The following APOH variants were observed in gnomAD, a reference collection of about 807,000 sequenced individuals.
APOH encodes the protein apolipoprotein H.
APOH carries 48 observed loss-of-function variants against 39.8 expected under a neutral mutation model. The observed-to-expected ratio is 1.21, with a 90% CI of 0.96 to 1.54. The LOEUF (loss-of-function observed/expected upper bound fraction) is 1.54, where lower values mean the gene tolerates loss of function less well. Ranked by LOEUF, APOH falls within the 40% of genes most tolerant of loss-of-function variation. The pLI is 0.00. For missense variants in APOH, 415 were observed against 421.2 expected (o/e 0.99, Z 0.13); for synonymous variants, 153 against 151.1 (o/e 1.01, Z -0.09).
At chr17:66,217,054 C>T in intron 5 of APOH, 87 bp from the exon 6 acceptor site, 1 of 1,124,206 alleles carries the variant, frequency 8.9e-7, no homozygotes, top group Non-Finnish European at 1.2e-6. Flanking sequence ...CTCTGTCACA[C>T]CACTGAATCA....
At chr17:66,222,396 C>A (rs1175300145) in intron 4 of APOH, among the ~76,000 whole-genome samples, 1 of 151,994 alleles carries the variant, frequency 6.6e-6, no homozygotes, top group Non-Finnish European at 1.5e-5. Context: ...AATAAAGAAG[C>A]AAATTTACAT....
Position 66,229,308 on chromosome 17 carries a change from G to C in APOH, c.64+8C>G, listed in dbSNP as rs8178901. 6.2e-7 allele frequency: 1 copy of C among 1,612,016 alleles called. No individual in the cohort carries two copies. Among genetic ancestry groups the C allele is most frequent in the East Asian group, 2.2e-5 (1 of 44,822 alleles). On this transcript the variant is annotated splice_region_variant and intron_variant, in intron 1 of 7. Transcript: ENST00000205948. ...TTAATTATTTTTTCAAAAGCAAAAA[G>C]TACTTACTCCGTCCTGCAATAGCAA...
intron 1 of APOH, 43 bp downstream of exon 1, chr17:66,229,273 G>A: frequency 6.7e-7 from 1 of 1,503,484 alleles, no homozygotes; most frequent in South Asian, 1.2e-5. Flanking sequence ...ATACGAAGGG[G>A]TTGGATATAT....
chr17:66,228,064 C>A lies in APOH; in HGVS notation c.197G>T (p.Cys66Phe). Reference sequence around the variant, plus strand: ...GATGGGCCACAGTCCTGTGAGAGGGCAGATAAACTTTCTCATCCCTCCTCG... The same window carrying A: ...GATGGGCCACAGTCCTGTGAGAGGGAAGATAAACTTTCTCATCCCTCCTCG... ...VSRGGMRKFI[C>F]PLTGLWPINT... The change falls in exon 2 of 8, where the codon TGC becomes TTC. Residue 66 changes from cysteine to phenylalanine, a missense_variant. This residue lies in a region of APOH where 288 missense variants were observed against 284.9 expected (regional missense o/e 1.01). Coordinates refer to ENST00000205948, the MANE Select transcript of APOH (RefSeq NM_000042.3). 6.2e-7 allele frequency: 1 copy of A among 1,614,170 alleles called. No individual in the cohort carries two copies. Among genetic ancestry groups the A allele is most frequent in the South Asian group, 1.1e-5 (1 of 91,068 alleles).
Position 66,214,461 on chromosome 17 carries a change from C to A in APOH, c.974G>T (p.Cys325Phe), listed in dbSNP as rs752860358. The change falls in exon 7 of 8, where the codon TGC becomes TTC. Residue 325 changes from cysteine (C) to phenylalanine (F), a missense_variant. Physicochemically the swap from Cys to Phe is radical, Grantham distance 205. This residue lies in a region of APOH where 120 missense variants were observed against 110.6 expected (regional missense o/e 1.08). Coordinates refer to ENST00000205948, the MANE Select transcript of APOH (RefSeq NM_000042.3). ...TTCCAATGCAGACTTACCCTTGAAG[C>A]ATTTGGGGACTTCGATAGTGCCATC... ...CIDGTIEVPK[C>F]FKEHSSLAFW... is the part of the protein sequence containing the mutation. 1 of 1,613,704 alleles carries A rather than the reference C, an allele frequency of 6.2e-7. No homozygotes were observed. The highest frequency in any genetic ancestry group is 8.5e-7 in the Non-Finnish European group (1 of 1,179,804).
intron 6 of APOH, among the ~76,000 whole-genome samples, chr17:66,215,412 A>C (rs1225312233): frequency 6.6e-6 from 1 of 152,244 alleles, no homozygotes; most frequent in Admixed American, 6.5e-5. Flanking sequence ...TGTTAAAACA[A>C]GCCTTCCAGG....
intron 7 of APOH, among the ~76,000 whole-genome samples, chr17:66,213,357 T>G (rs928307524): frequency 1.3e-5 from 2 of 152,240 alleles, no homozygotes; most frequent in Non-Finnish European, 2.9e-5. Flanking sequence ...ATCATTCTCC[T>G]TAAAATATTT....
At chr17:66,215,097 C>T (rs565052572) in intron 6 of APOH, among the ~76,000 whole-genome samples, 18 of 152,310 alleles carry the variant, frequency 1.2e-4, no homozygotes, top group African/African-American at 3.8e-4. Flanking sequence ...GAAGCCACCT[C>T]TCCCAGGAGT....
At chr17:66,215,091 C>G (rs779915467) in intron 6 of APOH, among the ~76,000 whole-genome samples, 6 of 152,158 alleles carry the variant, frequency 3.9e-5, no homozygotes, top group Non-Finnish European at 7.4e-5. Context: ...CATAGGGAAG[C>G]CACCTCTCCC....
intron 5 of APOH, among the ~76,000 whole-genome samples, chr17:66,217,692 G>A (rs1050068152): frequency 1.3e-5 from 2 of 151,968 alleles, no homozygotes; most frequent in African/African-American, 4.8e-5. Flanking sequence ...GGCTCACTTC[G>A]GTCATCCTGG....
chr17:66,219,972 G>A (rs1278000601), intron 5 of APOH, among the ~76,000 whole-genome samples: 1 of 152,146 alleles, frequency 6.6e-6, no homozygotes, highest in African/African-American at 2.4e-5. Context: ...TGTTTGTTAT[G>A]CAGCTGACAA....
At chr17:66,214,923 GAAA>G (rs11322858) in intron 6 of APOH, among the ~76,000 whole-genome samples, 22 of 133,164 alleles carry the variant, frequency 1.7e-4, no homozygotes, top group South Asian at 2.5e-4. Context: ...CCATTTCAGT[GAAA>G]AAAAAAAAAA....
intron 3 of APOH, among the ~76,000 whole-genome samples, chr17:66,224,640 AGGGAAGGGAAG>A (rs1567741575): frequency 4.9e-5 from 1 of 20,514 alleles, no homozygotes; most frequent in African/African-American, 2.0e-4. Context: ...AAGGAAGAGA[AGGGAAGGGAAG>A]GGAAGGGAAG....
At chr17:66,223,803 G>C (rs746659170) in intron 3 of APOH, 29 bp from the exon 4 acceptor site, 1 of 1,593,990 alleles carries the variant, frequency 6.3e-7, no homozygotes, top group Non-Finnish European at 8.6e-7. Flanking sequence ...TTCTATCAAG[G>C]AGTAAAATAA....
chr17:66,215,219 G>C (rs904737888), intron 6 of APOH, among the ~76,000 whole-genome samples: 1 of 152,120 alleles, frequency 6.6e-6, no homozygotes, highest in Non-Finnish European at 1.5e-5. Flanking sequence ...TTAACTCAAG[G>C]GTGGAATTCA....
intron 2 of APOH, among the ~76,000 whole-genome samples, chr17:66,227,646 G>T (rs2073447886): frequency 1.3e-5 from 2 of 152,078 alleles, no homozygotes; most frequent in African/African-American, 4.8e-5. Flanking sequence ...ATTTTCAGGT[G>T]AAGTCCAAAG....
At chr17:66,216,166 C>CAAA (rs35488139) in intron 6 of APOH, among the ~76,000 whole-genome samples, 131 of 108,280 alleles carry the variant, frequency 1.2e-3, no homozygotes, top group Non-Finnish European at 1.7e-3. Flanking sequence ...GACTCCATCT[C>CAAA]AAAAAAAAAA....
intron 2 of APOH, among the ~76,000 whole-genome samples, chr17:66,227,194 GAA>G (rs2073445373): frequency 6.6e-6 from 1 of 152,078 alleles, no homozygotes; most frequent in Non-Finnish European, 1.5e-5. Flanking sequence ...CTGATTTAAA[GAA>G]AAATTTTCCC....
chr17:66,221,266 A>AAGG lies in APOH; in HGVS notation c.416-525_416-524insCCT, dbSNP rs1567740089. Among the ~76,000 whole-genome samples, 141 of 120,552 alleles carry AAGG rather than the reference A, an allele frequency of 1.2e-3. 4 individuals carry two copies. The highest frequency in any genetic ancestry group is 7.9e-4 in the Non-Finnish European group (46 of 58,030). 79.1% of individuals were successfully genotyped at this position (120,552 alleles called of 152,430 possible). On this transcript the variant is annotated intron_variant, in intron 4 of 7. Coordinates refer to ENST00000205948, the MANE Select transcript of APOH (RefSeq NM_000042.3). ...CAGAAAGAAAGAGAGAGAGAGAAAG[A>AAGG]AAGGAAGGAAGGAAGGAAGGAAGGA...
Sources: allele counts gnomAD v4.1 joint callset (sites outside exome capture counted in the v4.1 genomes callset), GRCh38; gene constraint gnomAD v4.1.1; regional missense constraint gnomAD v4.1.1; transcripts MANE v1.5; gene names NCBI Gene and HGNC (gene_info 2026-07-23, HGNC 2026-07-21).